ABI1: variants seen among roughly 807,000 people sequenced by gnomAD.
ABI1 encodes the protein Abelson interactor 1.
Under a neutral mutation model 54.6 loss-of-function variants are expected in ABI1, and 14 were observed. The observed-to-expected ratio is 0.26, with a 90% CI of 0.17 to 0.40. The LOEUF is 0.40. Among genes scored for constraint, ABI1 ranks in the 10% least tolerant of loss-of-function variants. The pLI is 1.00. For missense variants in ABI1, 443 were observed against 598.3 expected, an observed-to-expected ratio of 0.74 and a Z score of 2.71; for synonymous variants, 194 against 209.3, an observed-to-expected ratio of 0.93 and a Z score of 0.63.
chr10:26,809,386 C>T (rs1223882960), intron 2 of ABI1, among the ~76,000 whole-genome samples: 1 of 150,596 alleles, frequency 6.6e-6, no homozygotes, highest in African/African-American at 2.4e-5. Flanking sequence ...AGTGAGACCC[C>T]ATCTCTACAA....
At chr10:26,825,909 A>T (rs2048278521) in intron 1 of ABI1, among the ~76,000 whole-genome samples, 1 of 152,166 alleles carries the variant, frequency 6.6e-6, no homozygotes, top group African/African-American at 2.4e-5. Flanking sequence ...TCTAATTCTC[A>T]TTAGTTCTCT....
Position 26,765,244 on chromosome 10 carries a change from G to A in ABI1, c.794C>T (p.Thr265Ile), listed in dbSNP as rs1330316733. ...SSIGIPIAVP[T>I]PSPPTIGPAA... ...TGGTCCAATAGTGGGTGGCGAAGGT[G>A]TAGGCACAGCAATGGGAATGCCAAT... The change falls in exon 7 of 11, where the codon ACA becomes ATA. Residue 265 changes from threonine to isoleucine, a missense_variant. By Grantham distance (89) the Thr-to-Ile change is moderately conservative (BLOSUM62 -1). Around this residue, in one of 2 missense-constraint regions of ABI1, gnomAD observed 394 missense variants for 484.8 expected, o/e 0.81. Transcript: ENST00000376140. The A allele has an allele frequency of 6.8e-6, 11 of 1,606,214 alleles. No homozygotes were observed. The highest frequency in any genetic ancestry group is 3.4e-5 in the Admixed American group (2 of 58,642).
chr10:26,759,281 C>A, intron 7 of ABI1, 43 bp from the exon 8 acceptor site: 1 of 1,588,158 alleles, frequency 6.3e-7, no homozygotes, highest in Non-Finnish European at 8.6e-7. Context: ...GAGACTTGAG[C>A]ATTGTAATCA....
intron 1 of ABI1, among the ~76,000 whole-genome samples, chr10:26,824,358 G>A (rs763812276): frequency 9.9e-5 from 15 of 152,156 alleles, no homozygotes; most frequent in Non-Finnish European, 2.1e-4. Flanking sequence ...GACCCAGTAA[G>A]CTCACTTTTA....
intron 2 of ABI1, among the ~76,000 whole-genome samples, chr10:26,789,682 G>A (rs1181132221): frequency 6.6e-6 from 1 of 152,066 alleles, no homozygotes; most frequent in African/African-American, 2.4e-5. Flanking sequence ...TGTTGCATAA[G>A]TAAACATGTG....
intron 2 of ABI1, among the ~76,000 whole-genome samples, chr10:26,795,946 A>G (rs1012882743): frequency 2.0e-5 from 3 of 152,194 alleles, no homozygotes; most frequent in Admixed American, 2.0e-4. Flanking sequence ...GGCAATACGG[A>G]GAAACTCCAG....
intron 1 of ABI1, among the ~76,000 whole-genome samples, chr10:26,829,667 T>C (rs1274017669): frequency 1.3e-5 from 2 of 152,126 alleles, no homozygotes; most frequent in African/African-American, 4.8e-5. Context: ...AAGGACTCAA[T>C]GTAAGGATCA....
intron 1 of ABI1, among the ~76,000 whole-genome samples, chr10:26,827,072 C>G (rs901214940): frequency 3.2e-4 from 49 of 151,904 alleles, no homozygotes; most frequent in African/African-American, 1.2e-3. Flanking sequence ...AGCCACCATG[C>G]CTGCCTAATT....
chr10:26,845,437 G>A (rs1210043893), intron 1 of ABI1, among the ~76,000 whole-genome samples: 3 of 152,110 alleles, frequency 2.0e-5, no homozygotes, highest in African/African-American at 2.4e-5. Flanking sequence ...GAGGTCAGGA[G>A]TTCGAGACCA....
chr10:26,767,629 G>T (rs1023811817), intron 6 of ABI1, among the ~76,000 whole-genome samples: 5 of 152,166 alleles, frequency 3.3e-5, no homozygotes, highest in African/African-American at 1.2e-4. Flanking sequence ...ATGGTTATAT[G>T]AGTGTGTGTC....
At chr10:26,761,512 G>A (rs1299598670) in intron 7 of ABI1, among the ~76,000 whole-genome samples, 14 of 149,006 alleles carry the variant, frequency 9.4e-5, no homozygotes, top group Non-Finnish European at 4.5e-5. Context: ...TCAAGAAATC[G>A]AATATTAACA....
intron 1 of ABI1, among the ~76,000 whole-genome samples, chr10:26,848,132 A>G (rs1338029094): frequency 6.7e-6 from 1 of 150,208 alleles, no homozygotes; most frequent in African/African-American, 2.5e-5. Context: ...CCAGGATTTC[A>G]AGGCTGTAGT....
intron 1 of ABI1, among the ~76,000 whole-genome samples, chr10:26,832,916 C>T (rs1007030189): frequency 3.9e-5 from 6 of 152,140 alleles, no homozygotes; most frequent in South Asian, 2.1e-4. Flanking sequence ...TATGCAATGC[C>T]TAGCTACCAC....
At chr10:26,758,925 A>G (rs899876033) in intron 8 of ABI1, 137 bp downstream of exon 8, 25 of 879,818 alleles carry the variant, frequency 2.8e-5, no homozygotes, top group Non-Finnish European at 4.1e-5. Context: ...TTCAAGGACT[A>G]ATATCCTAAA....
At chr10:26,823,871 G>A (rs554120106) in intron 1 of ABI1, among the ~76,000 whole-genome samples, 2 of 152,062 alleles carry the variant, frequency 1.3e-5, no homozygotes, top group East Asian at 3.9e-4. Flanking sequence ...TCAAAGAGGA[G>A]CAAGGTTAAA....
rs1336283484 is a variant in ABI1 at position 26,823,211 on chromosome 10, T to C, written c.212A>G (p.Asn71Ser). The stretch of plus-strand genomic sequence containing the variant: ...TTGGATATCCAGCAACTGGAGTACA[T>C]TGTTGGCCAATGCATTTATTTGATA... ...VAYQINALANNVLQLLDIQAS... is the reference protein window; with the variant it reads ...VAYQINALANSVLQLLDIQAS... The change falls in exon 2 of 11, where the codon AAT becomes AGT. Residue 71 changes from asparagine (N) to serine (S), a missense_variant. Asn to Ser is a conservative substitution (Grantham distance 46, BLOSUM62 1). Around this residue, in one of 2 missense-constraint regions of ABI1, gnomAD observed 394 missense variants for 484.8 expected, o/e 0.81. Transcript: ENST00000376140. 1 of 1,605,766 alleles carries C rather than the reference T, an allele frequency of 6.2e-7. No individual in the cohort carries two copies. The highest frequency in any genetic ancestry group is 8.5e-7 in the Non-Finnish European group (1 of 1,177,490).
intron 2 of ABI1, among the ~76,000 whole-genome samples, chr10:26,778,757 T>C (rs775215030): frequency 2.6e-5 from 4 of 152,160 alleles, no homozygotes; most frequent in African/African-American, 9.7e-5. Context: ...TTAGAAAATA[T>C]AGCATCTCCT....
chr10:26,835,106 A>C lies in ABI1; in HGVS notation c.118-11801T>G, dbSNP rs12246450. ...TCTACCTCAAAAAAAAAAAAAAAAA[A>C]AAAAAAAAACCCACAATGCAATATC... On this transcript the variant is annotated intron_variant, in intron 1 of 10. Transcript: ENST00000376140. 6.9e-4 allele frequency among the ~76,000 whole-genome samples: 86 copies of C among 124,752 alleles called. 1 individual carries two copies. Among genetic ancestry groups the C allele is most frequent in the Middle Eastern group, 4.6e-3 (1 of 216 alleles). The allele number at this position is 124,752 out of a possible 152,430, so 81.8% of individuals were successfully genotyped here.
At chr10:26,795,075 C>T (rs747865095) in intron 2 of ABI1, among the ~76,000 whole-genome samples, 2 of 150,440 alleles carry the variant, frequency 1.3e-5, no homozygotes, top group African/African-American at 2.5e-5. Context: ...ACCAAGGAGG[C>T]GGAGATTGCA....
Sources: gnomAD v4.1 joint callset for allele counts (sites outside exome capture counted in the v4.1 genomes callset) on GRCh38, gnomAD v4.1.1 for gene constraint, gnomAD v4.1.1 regional missense constraint, MANE v1.5 for transcripts, NCBI Gene and HGNC (gene_info 2026-07-23, HGNC 2026-07-21) for gene names.